The following SH3GLB1 variants were observed in gnomAD, a reference collection of about 807,000 sequenced individuals.
SH3GLB1 encodes the protein SH3 domain containing GRB2 like, endophilin B1.
A neutral mutation model predicts 42.0 loss-of-function variants in SH3GLB1; 17 were observed. That is an observed-to-expected ratio of 0.40 (90% CI 0.28 to 0.61). The LOEUF is 0.61. SH3GLB1 is among the 20% of genes least tolerant of loss of function. The probability of loss-of-function intolerance (pLI) is 0.36; values close to 1 mark genes in which losing one functional copy is unlikely to be tolerated. For synonymous variants in SH3GLB1, 132 were observed against 146.6 expected (o/e 0.90, Z 0.72); for missense variants, 355 against 426.3 (o/e 0.83, Z 1.47).
intron 1 of SH3GLB1, among the ~76,000 whole-genome samples, chr1:86,715,281 A>T (rs1187477665): frequency 6.6e-6 from 1 of 152,222 alleles, no homozygotes; most frequent in East Asian, 1.9e-4. Flanking sequence ...CTCTTTTATA[A>T]TAGAGGGTAC....
At position 86,704,812 on chromosome 1, in the gene SH3GLB1, G is replaced by A; in HGVS notation, c.-88G>A. 1.3e-6 allele frequency: 1 copy of A among 795,124 alleles called. No individual in the cohort carries two copies. Among genetic ancestry groups the A allele is most frequent in the Non-Finnish European group, 1.9e-6 (1 of 519,386 alleles). The allele number at this position is 795,124 out of a possible 1,614,324, so 49.3% of individuals were successfully genotyped here. ...CCCTCCACCTACCACGTCTGCCCTC[G>A]CCGCTCTAGCCCTGCGCCCCAGCCC... On this transcript the variant is annotated 5_prime_UTR_variant, in exon 1 of 9. Coordinates refer to ENST00000370558, the MANE Select transcript of SH3GLB1 (RefSeq NM_016009.5).
At chr1:86,717,157 TTGAG>T (rs1227234033) in intron 2 of SH3GLB1, among the ~76,000 whole-genome samples, 2 of 152,324 alleles carry the variant, frequency 1.3e-5, no homozygotes, top group African/African-American at 4.8e-5. Context: ...TTTTTGCACT[TTGAG>T]TGAGTCCTAA....
chr1:86,740,734 G>C (rs1389447206), intron 7 of SH3GLB1, among the ~76,000 whole-genome samples: 2 of 152,290 alleles, frequency 1.3e-5, no homozygotes, highest in East Asian at 3.9e-4. Flanking sequence ...GTCACTAGAA[G>C]AGAAGAGTTC....
rs1039648196 is a variant in SH3GLB1 at position 86,704,580 on chromosome 1, T to C, written c.-320T>C. 6.2e-5 allele frequency: 14 copies of C among 225,602 alleles called. No homozygotes were observed. The highest frequency in any genetic ancestry group is 3.0e-4 in the African/African-American group (13 of 42,762). The allele number at this position is 225,602 out of a possible 1,614,324, so 14.0% of individuals were successfully genotyped here. A position where few individuals can be genotyped will look rare whatever the true frequency, so the allele number is the denominator to read the frequency against. On this transcript the variant is annotated 5_prime_UTR_variant, in exon 1 of 9. Coordinates refer to ENST00000370558, the MANE Select transcript of SH3GLB1 (RefSeq NM_016009.5). Reference sequence around the variant, plus strand: ...TCCGCCCCGCGGCCCGCGCTTGTTTTTCCCTTGGGACCCGGGTCCACACGG... The same window carrying C: ...TCCGCCCCGCGGCCCGCGCTTGTTTCTCCCTTGGGACCCGGGTCCACACGG...
intron 2 of SH3GLB1, among the ~76,000 whole-genome samples, chr1:86,716,092 A>G (rs868504136): frequency 6.6e-6 from 1 of 152,158 alleles, no homozygotes; most frequent in Non-Finnish European, 1.5e-5. Context: ...CTTGTAAAAA[A>G]TCTCAATTTT....
rs1270709225 is a variant in SH3GLB1, at chr1:86,743,983, A to C, written c.*748A>C. On this transcript the variant is annotated 3_prime_UTR_variant, in exon 9 of 9. Transcript: ENST00000370558. ...GTTTTTAAGATTATTCAGTTGGCACAATTTAATGCATAATTGGGATTGGAT... is the reference window on the plus strand; with the variant it reads ...GTTTTTAAGATTATTCAGTTGGCACCATTTAATGCATAATTGGGATTGGAT... The C allele has an allele frequency of 6.6e-6, 1 of 152,616 alleles. No individual in the cohort carries two copies. The highest frequency in any genetic ancestry group is 1.5e-5 in the Non-Finnish European group (1 of 68,030). The allele number at this position is 152,616 out of a possible 1,614,324, so 9.5% of individuals were successfully genotyped here.
At chr1:86,708,844 T>C (rs932185) in intron 1 of SH3GLB1, among the ~76,000 whole-genome samples, 15,471 of 152,184 alleles carry the variant, frequency 0.1, 1,080 homozygotes, top group African/African-American at 0.19. Flanking sequence ...AAACACTGTA[T>C]TCCAAATTAT....
chr1:86,732,629 CAGA>C (rs1276721213), intron 5 of SH3GLB1, among the ~76,000 whole-genome samples: 1 of 152,146 alleles, frequency 6.6e-6, no homozygotes, highest in African/African-American at 2.4e-5. Context: ...CTAGATTGTA[CAGA>C]AGGACCTCCT....
chr1:86,731,266 A>G (rs567694574), intron 5 of SH3GLB1, among the ~76,000 whole-genome samples: 1 of 152,330 alleles, frequency 6.6e-6, no homozygotes, highest in Admixed American at 6.5e-5. Flanking sequence ...ACATGAGGAT[A>G]ACACTGGGGA....
chr1:86,722,503 C>G (rs1191167582), intron 3 of SH3GLB1, 37 bp from the exon 4 acceptor site: 1 of 1,537,270 alleles, frequency 6.5e-7, no homozygotes, highest in East Asian at 2.3e-5. Flanking sequence ...TCTGGTATTA[C>G]CAGACAATGA....
intron 1 of SH3GLB1, among the ~76,000 whole-genome samples, chr1:86,706,106 C>T (rs1029477339): frequency 1.3e-5 from 2 of 152,166 alleles, no homozygotes; most frequent in Admixed American, 1.3e-4. Flanking sequence ...TATCTCCAGT[C>T]TTTTCCATAA....
At chr1:86,736,016 G>A (rs1655762603) in intron 7 of SH3GLB1, among the ~76,000 whole-genome samples, 1 of 152,138 alleles carries the variant, frequency 6.6e-6, no homozygotes, top group African/African-American at 2.4e-5. Context: ...TGAAGAAAGG[G>A]ACAGGGATGA....
rs937338229 is a variant in SH3GLB1, at chr1:86,728,559, A to C, written c.570+4154A>C. On this transcript the variant is annotated intron_variant, in intron 5 of 8. Transcript: ENST00000370558. Reference sequence around the variant, plus strand: ...TCTCTTGCTATTAGCCGCTTGTAAAATTTTGAAATAATTGGAACCATGTAT... The same window carrying C: ...TCTCTTGCTATTAGCCGCTTGTAAACTTTTGAAATAATTGGAACCATGTAT... 9.1e-6 allele frequency: 8 copies of C among 874,848 alleles called. No homozygotes were observed. In the Admixed American group the frequency reaches 2.5e-4, roughly 27 times the overall value. 54.2% of individuals were successfully genotyped at this position (874,848 alleles called of 1,614,324 possible).
intron 1 of SH3GLB1, among the ~76,000 whole-genome samples, chr1:86,713,060 T>G (rs915484274): frequency 5.9e-5 from 9 of 152,164 alleles, no homozygotes; most frequent in Admixed American, 5.2e-4. Context: ...TTTCCTGAAA[T>G]ACTGTCGGGA....
In SH3GLB1 at chr1:86,735,526, A is replaced by G. The variant is rs184687475; in HGVS notation, c.761+347A>G. 6.6e-5 allele frequency among the ~76,000 whole-genome samples: 10 copies of G among 152,340 alleles called. No individual in the cohort carries two copies. In the East Asian group the frequency reaches 1.9e-3, roughly 29 times the overall value. ...TACCCTTAAAGATAAACTAATTTAT[A>G]CTTATTCATTACTCATCTGTTTACT... On this transcript the variant is annotated intron_variant, in intron 7 of 8. Coordinates refer to ENST00000370558, the MANE Select transcript of SH3GLB1 (RefSeq NM_016009.5).
At chr1:86,740,913 C>CT (rs1278674471) in intron 7 of SH3GLB1, among the ~76,000 whole-genome samples, 4 of 151,548 alleles carry the variant, frequency 2.6e-5, no homozygotes, top group Non-Finnish European at 4.4e-5. Flanking sequence ...CTGGGTATCT[C>CT]TTTTTTTAAA....
chr1:86,738,355 A>C (rs1306836926), intron 7 of SH3GLB1, among the ~76,000 whole-genome samples: 1 of 151,516 alleles, frequency 6.6e-6, no homozygotes, highest in Non-Finnish European at 1.5e-5. Flanking sequence ...AAGCTCCTCC[A>C]TCTGGGTTTA....
Position 86,734,560 on chromosome 1 carries a change from T to C in SH3GLB1, c.571-42T>C, listed in dbSNP as rs775974016. Reference sequence around the variant, plus strand: ...TAAAATAAATGTATATAAGATGGACTGAGTCTTCTAAAGAGATTCTAAAAC... The same window carrying C: ...TAAAATAAATGTATATAAGATGGACCGAGTCTTCTAAAGAGATTCTAAAAC... On this transcript the variant is annotated intron_variant, in intron 5 of 8. Coordinates refer to ENST00000370558, the MANE Select transcript of SH3GLB1 (RefSeq NM_016009.5). 18 of 1,402,260 alleles carry C rather than the reference T, an allele frequency of 1.3e-5. No individual in the cohort carries two copies. In the South Asian group the frequency reaches 2.1e-4, roughly 16 times the overall value. The allele number at this position is 1,402,260 out of a possible 1,614,324, so 86.9% of individuals were successfully genotyped here. A position where few individuals can be genotyped will look rare whatever the true frequency, so the allele number is the denominator to read the frequency against.
rs1165013421 is a variant in SH3GLB1, at chr1:86,741,865, A to C, written c.762-343A>C. 3.3e-5 allele frequency among the ~76,000 whole-genome samples: 5 copies of C among 152,278 alleles called. No homozygotes were observed. The South Asian group carries it at 6.2e-4, about 19-fold the overall frequency. On this transcript the variant is annotated intron_variant, in intron 7 of 8. Transcript: ENST00000370558. ...TCTAATATTTAAGTAGTTTTTCATC[A>C]ATATTTTTATTTAGTAATTTATAAA...
Sources: allele counts gnomAD v4.1 joint callset (sites outside exome capture counted in the v4.1 genomes callset), GRCh38; gene constraint gnomAD v4.1.1; transcripts MANE v1.5; gene names NCBI Gene and HGNC (gene_info 2026-07-23, HGNC 2026-07-21).